The following STRN4 variants were observed in gnomAD, a reference collection of about 807,000 sequenced individuals.
The protein encoded by STRN4 is striatin 4, also known as striatin-4.
Under a neutral mutation model 77.9 loss-of-function variants are expected in STRN4, and 27 were observed. That is an observed-to-expected ratio of 0.35 (90% confidence interval 0.26 to 0.48). The LOEUF is 0.48. Ranked by LOEUF, STRN4 falls within the 20% of genes least tolerant of loss-of-function variation. The pLI is 0.99. For missense variants in STRN4, 798 were observed against 1,049.7 expected (o/e 0.76, Z 3.31); for synonymous variants, 466 against 443.1 (o/e 1.05, Z -0.65).
rs1311703402 is a variant in STRN4 at position 46,738,761 on chromosome 19, G to A, written c.386+24C>T. 1 of 1,612,356 alleles carries A rather than the reference G, an allele frequency of 6.2e-7. No individual in the cohort carries two copies. ...TGCTTGAGACGGACCCAGAAGGCAG[G>A]CCCAGGGCAGGATGAAGGCTCACCT... On this transcript the variant is annotated intron_variant, in intron 2 of 17. Transcript: ENST00000263280. This position sits in a 1 kb window ranked among gnomAD's most constrained non-coding sequence, Gnocchi z 4.5.
intron 8 of STRN4, 67 bp from the exon 9 acceptor site, chr19:46,727,613 G>T: frequency 7.8e-7 from 1 of 1,285,120 alleles, no homozygotes; most frequent in Non-Finnish European, 1.1e-6. Flanking sequence ...CAGGGAGAGA[G>T]AGAATGACAG....
Position 46,723,330 on chromosome 19 carries a change from C to G in STRN4, c.1595-46G>C, listed in dbSNP as rs2054027491. 6.6e-7 allele frequency: 1 copy of G among 1,509,156 alleles called. No individual in the cohort carries two copies. Among genetic ancestry groups the G allele is most frequent in the Non-Finnish European group, 8.9e-7 (1 of 1,128,972 alleles). The allele number at this position is 1,509,156 out of a possible 1,614,324, so 93.5% of individuals were successfully genotyped here. A position where few individuals can be genotyped will look rare whatever the true frequency, so the allele number is the denominator to read the frequency against. On this transcript the variant is annotated intron_variant, in intron 12 of 17. Coordinates refer to ENST00000263280, the MANE Select transcript of STRN4 (RefSeq NM_013403.3). The surrounding 1 kb of genome is among the most constrained non-coding windows in gnomAD (Gnocchi z 5.5). ...AAATGGGCTGTGTCAGGGCTGCCAGCTCCTCCCTGGACAGCCCAGAGCCCC... is the reference window on the plus strand; with the variant it reads ...AAATGGGCTGTGTCAGGGCTGCCAGGTCCTCCCTGGACAGCCCAGAGCCCC...
chr19:46,738,752 A>C lies in STRN4; in HGVS notation c.386+33T>G. The C allele has an allele frequency of 6.2e-7, 1 of 1,610,752 alleles. No homozygotes were observed. Among genetic ancestry groups the C allele is most frequent in the East Asian group, 2.2e-5 (1 of 44,880 alleles). On this transcript the variant is annotated intron_variant, in intron 2 of 17. Coordinates refer to ENST00000263280, the MANE Select transcript of STRN4 (RefSeq NM_013403.3). The surrounding 1 kb of genome is among the most constrained non-coding windows in gnomAD (Gnocchi z 4.5). The stretch of plus-strand genomic sequence containing the variant: ...CTGACACTGTGCTTGAGACGGACCC[A>C]GAAGGCAGGCCCAGGGCAGGATGAA...
chr19:46,728,173 C>T (rs970827445), intron 7 of STRN4, 166 bp from the exon 8 acceptor site: 4 of 742,462 alleles, frequency 5.4e-6, no homozygotes, highest in Admixed American at 2.0e-5. Flanking sequence ...TGATTGGGCC[C>T]CTCCGTGGGG....
chr19:46,721,895 C>G, intron 16 of STRN4, 91 bp downstream of exon 16: 1 of 1,483,110 alleles, frequency 6.7e-7, no homozygotes. Flanking sequence ...CCCTGGCCCC[C>G]GGGGCCCCCT....
chr19:46,733,527 G>C lies in STRN4; in HGVS notation c.540-291C>G. ...ACCGACAGGGGCTGTGTCAGCAAAT[G>C]ACTCATAGCGCTGCAAGGCAGAAGA... is the stretch of plus-strand genomic sequence containing the variant. On this transcript the variant is annotated intron_variant, in intron 4 of 17. Coordinates refer to ENST00000263280, the MANE Select transcript of STRN4 (RefSeq NM_013403.3). The surrounding 1 kb of genome is among the most constrained non-coding windows in gnomAD (Gnocchi z 4.3). 1 of 393,128 alleles carries C rather than the reference G, an allele frequency of 2.5e-6. No individual in the cohort carries two copies. The highest frequency in any genetic ancestry group is 3.2e-5 in the South Asian group (1 of 31,168). The allele number at this position is 393,128 out of a possible 1,614,324, so 24.4% of individuals were successfully genotyped here. A position where few individuals can be genotyped will look rare whatever the true frequency, so the allele number is the denominator to read the frequency against.
chr19:46,728,331 T>C, intron 7 of STRN4: 1 of 585,040 alleles, frequency 1.7e-6, no homozygotes, highest in Non-Finnish European at 3.1e-6. Context: ...CTCATCCTGT[T>C]CCCTCCTTGA....
intron 5 of STRN4, among the ~76,000 whole-genome samples, 157 bp downstream of exon 5, chr19:46,732,882 T>C (rs182401866): frequency 3.9e-5 from 6 of 152,138 alleles, no homozygotes; most frequent in Non-Finnish European, 5.9e-5. Context: ...ATCCCAGCAG[T>C]GAAGGGACTC....
chr19:46,724,561 G>A (rs75672167), intron 12 of STRN4, among the ~76,000 whole-genome samples: 4,376 of 152,366 alleles, frequency 0.029, 120 homozygotes, highest in Non-Finnish European at 0.044. Context: ...CCTTCTGGAC[G>A]CCGGCTCACA....
At chr19:46,721,892 CCCCGGGGCCCCCTGAGCACTTG>C in intron 16 of STRN4, 72 bp downstream of exon 16, 1 of 1,454,188 alleles carries the variant, frequency 6.9e-7, no homozygotes, top group Non-Finnish European at 9.5e-7. Context: ...CAGCCCTGGC[CCCCGGGGCCCCCTGAGCACTTG>C]CCTGGAGCCA....
rs185321590 is a variant in STRN4 at position 46,738,513 on chromosome 19, C to T, written c.386+272G>A. On this transcript the variant is annotated intron_variant, in intron 2 of 17. Coordinates refer to ENST00000263280, the MANE Select transcript of STRN4 (RefSeq NM_013403.3). This position sits in a 1 kb window ranked among gnomAD's most constrained non-coding sequence, Gnocchi z 4.5. ...AACAGGGCTAACAATACCCGTTAGG[C>T]TATTGGAAGGTATAAGGGATAACGG... Among the ~76,000 whole-genome samples, 107 of 152,276 alleles carry T rather than the reference C, an allele frequency of 7.0e-4. No individual in the cohort carries two copies. Among genetic ancestry groups the T allele is most frequent in the African/African-American group, 2.5e-3 (104 of 41,544 alleles).
chr19:46,742,880 A>G (rs967003515), intron 1 of STRN4, among the ~76,000 whole-genome samples: 7 of 152,196 alleles, frequency 4.6e-5, no homozygotes, highest in Admixed American at 3.3e-4. Context: ...TTTCATAAAC[A>G]CATCCATTCT....
intron 3 of STRN4, among the ~76,000 whole-genome samples, 180 bp from the exon 4 acceptor site, chr19:46,737,081 C>T (rs995111767): frequency 2.0e-5 from 3 of 152,300 alleles, no homozygotes; most frequent in East Asian, 3.9e-4. Context: ...CTCCTTGAAG[C>T]GTTCCTCATC....
chr19:46,745,252 C>A (rs575715121), intron 1 of STRN4, among the ~76,000 whole-genome samples: 1 of 152,102 alleles, frequency 6.6e-6, no homozygotes, highest in Admixed American at 6.6e-5. Context: ...TCAGTGCCAT[C>A]GCGCCCACTC....
chr19:46,729,495 G>A (rs1380146251), intron 6 of STRN4, among the ~76,000 whole-genome samples: 1 of 152,164 alleles, frequency 6.6e-6, no homozygotes, highest in African/African-American at 2.4e-5. Context: ...GCATGGGGGG[G>A]ACCAGAGGGA....
intron 6 of STRN4, among the ~76,000 whole-genome samples, chr19:46,729,098 C>G (rs2054190739): frequency 6.6e-6 from 1 of 152,246 alleles, no homozygotes; most frequent in Admixed American, 6.5e-5. Flanking sequence ...CAGATATGCA[C>G]TGGTGTCCGT....
At position 46,735,565 on chromosome 19, in the gene STRN4, G is replaced by A. The variant is rs1262350833; in HGVS notation, c.539+1258C>T. Among the ~76,000 whole-genome samples, 3 of 152,178 alleles carry A rather than the reference G, an allele frequency of 2.0e-5. No individual in the cohort carries two copies. In the East Asian group the frequency reaches 5.8e-4, roughly 29 times the overall value. ...GACCATATATGGCAAAATGTTTATA[G>A]GGGTATGAAATTTCTTGGGTGGAGA... On this transcript the variant is annotated intron_variant, in intron 4 of 17. Coordinates refer to ENST00000263280, the MANE Select transcript of STRN4 (RefSeq NM_013403.3).
At chr19:46,728,381 G>A in intron 7 of STRN4, 1 of 619,324 alleles carries the variant, frequency 1.6e-6, no homozygotes, top group South Asian at 2.0e-5. Context: ...AGGGCTGGCG[G>A]CCCCACTTCA....
chr19:46,738,335 G>A lies in STRN4; in HGVS notation c.387-98C>T. 7 of 1,136,010 alleles carry A rather than the reference G, an allele frequency of 6.2e-6. No homozygotes were observed. In the South Asian group the frequency reaches 7.5e-5, roughly 12 times the overall value. 70.4% of individuals were successfully genotyped at this position (1,136,010 alleles called of 1,614,324 possible). ...AGAATCCCAAACCCCAAATCACAGG[G>A]CCTCCCCCAGCTCGTCTACTACTGA... On this transcript the variant is annotated intron_variant, in intron 2 of 17. Coordinates refer to ENST00000263280, the MANE Select transcript of STRN4 (RefSeq NM_013403.3). This position sits in a 1 kb window ranked among gnomAD's most constrained non-coding sequence, Gnocchi z 4.5.
Sources: allele counts gnomAD v4.1 joint callset (sites outside exome capture counted in the v4.1 genomes callset), GRCh38; gene constraint gnomAD v4.1.1; non-coding constraint Gnocchi (gnomAD v3.1); transcripts MANE v1.5; gene names NCBI Gene and HGNC (gene_info 2026-07-23, HGNC 2026-07-21).